The following TMEM132C variants were observed in gnomAD, a reference collection of about 807,000 sequenced individuals.
TMEM132C encodes the protein protein phosphatase 1, regulatory subunit 152.
Under a neutral mutation model 61.4 loss-of-function variants are expected in TMEM132C, and 29 were observed. The observed-to-expected ratio is 0.47, with a 90% CI of 0.35 to 0.64. TMEM132C has a LOEUF of 0.64. Ranked by LOEUF, TMEM132C falls within the 30% of genes least tolerant of loss-of-function variation. The pLI is 0.00. For missense variants in TMEM132C, 1,408 were observed against 1,476.9 expected (o/e 0.95, Z 0.76); for synonymous variants, 656 against 633.1 (o/e 1.04, Z -0.54).
At chr12:128,608,703 T>A (rs1876512705) in intron 3 of TMEM132C, among the ~76,000 whole-genome samples, 1 of 152,238 alleles carries the variant, frequency 6.6e-6, no homozygotes, top group African/African-American at 2.4e-5. Context: ...AAATTACTAA[T>A]GTCTGAGTGT....
intron 2 of TMEM132C, among the ~76,000 whole-genome samples, chr12:128,480,155 G>A (rs1871274556): frequency 6.6e-6 from 1 of 152,162 alleles, no homozygotes; most frequent in Admixed American, 6.5e-5. Flanking sequence ...AGCTACTCTG[G>A]AAGCTGAGGT....
In TMEM132C at chr12:128,346,839, C is replaced by T. The variant is rs549127593; in HGVS notation, c.86-67893C>T. Among the ~76,000 whole-genome samples the T allele has an allele frequency of 3.3e-5, 5 of 152,326 alleles. No individual in the cohort carries two copies. The South Asian group carries it at 1.0e-3, about 32-fold the overall frequency. On this transcript the variant is annotated intron_variant, in intron 1 of 8. Transcript: ENST00000435159. The stretch of plus-strand genomic sequence containing the variant: ...TTTCTGGACTCTGAATTCTATTCTA[C>T]TGATCTGTATGTCTATCCCTATGTT...
chr12:128,391,402 C>T (rs57528274), intron 1 of TMEM132C, among the ~76,000 whole-genome samples: 2,594 of 152,240 alleles, frequency 0.017, 74 homozygotes, highest in African/African-American at 0.059. Flanking sequence ...CTCCTTTGCA[C>T]GTGTATGTTA....
In TMEM132C at chr12:128,705,849, G is replaced by A. The variant is rs1954835177; in HGVS notation, c.2881G>A (p.Gly961Ser). Residue 961 changes from glycine (G) to serine (S), a missense_variant, in exon 9 of 9, where the codon GGT (glycine) becomes AGT (serine). Gly to Ser is a moderately conservative substitution (Grantham distance 56). Coordinates refer to ENST00000435159, the MANE Select transcript of TMEM132C (RefSeq NM_001136103.3). ...CAGGCACAAGCAAGTGCCCCTGGAAGGTCAGGCCTCCATGACCCACTCTCA... is the reference window on the plus strand; with the variant it reads ...CAGGCACAAGCAAGTGCCCCTGGAAAGTCAGGCCTCCATGACCCACTCTCA... ...KYRHKQVPLE[G>S]QASMTHSHDW... 2 of 1,551,660 alleles carry A rather than the reference G, an allele frequency of 1.3e-6. No homozygotes were observed. Among genetic ancestry groups the A allele is most frequent in the Non-Finnish European group, 1.7e-6 (2 of 1,147,052 alleles).
rs115635368 is a variant in TMEM132C, at chr12:128,548,605, G to A, written c.1121+4502G>A. ...CTACCAAGTCCCTTTGACTTATAAG[G>A]TAACATATTCATAGGTTCTAGGCAC... On this transcript the variant is annotated intron_variant, in intron 3 of 8. Coordinates refer to ENST00000435159, the MANE Select transcript of TMEM132C (RefSeq NM_001136103.3). 4.1e-3 allele frequency among the ~76,000 whole-genome samples: 631 copies of A among 152,168 alleles called. 11 individuals carry two copies. Among genetic ancestry groups the A allele is most frequent in the African/African-American group, 0.015 (605 of 41,518 alleles).
chr12:128,436,716 A>G (rs563607754), intron 2 of TMEM132C, among the ~76,000 whole-genome samples: 2 of 152,376 alleles, frequency 1.3e-5, no homozygotes, highest in East Asian at 3.9e-4. Context: ...AACTAGTTCA[A>G]TCATTGTGGT....
chr12:128,501,004 A>T (rs1194635432), intron 2 of TMEM132C, among the ~76,000 whole-genome samples: 2 of 152,248 alleles, frequency 1.3e-5, no homozygotes, highest in Non-Finnish European at 2.9e-5. Flanking sequence ...TTATTCAGCC[A>T]TAAAAATAAT....
chr12:128,455,992 C>T (rs1870326462), intron 2 of TMEM132C, among the ~76,000 whole-genome samples: 1 of 152,208 alleles, frequency 6.6e-6, no homozygotes, highest in South Asian at 2.1e-4. Flanking sequence ...GCTCACGTTT[C>T]TACTACCAGA....
chr12:128,539,861 T>C (rs1249401306), intron 2 of TMEM132C, among the ~76,000 whole-genome samples: 2 of 152,210 alleles, frequency 1.3e-5, no homozygotes, highest in African/African-American at 4.8e-5. Context: ...GGTGTGTGTC[T>C]ATTCTCATTC....
At chr12:128,321,580 T>TA (rs927143509) in intron 1 of TMEM132C, among the ~76,000 whole-genome samples, 1 of 152,104 alleles carries the variant, frequency 6.6e-6, no homozygotes, top group African/African-American at 2.4e-5. Flanking sequence ...GGGGTGGACA[T>TA]ACAACCTACA....
intron 2 of TMEM132C, among the ~76,000 whole-genome samples, chr12:128,436,157 A>G (rs1869581256): frequency 6.6e-6 from 1 of 152,200 alleles, no homozygotes; most frequent in South Asian, 2.1e-4. Context: ...TTCAAGATGG[A>G]TTAAAGACTT....
rs527564233 is a variant in TMEM132C at position 128,587,542 on chromosome 12, A to G, written c.1122-28610A>G. On this transcript the variant is annotated intron_variant, in intron 3 of 8. Coordinates refer to ENST00000435159, the MANE Select transcript of TMEM132C (RefSeq NM_001136103.3). Reference sequence around the variant, plus strand: ...TTATCCGGGGGACAGTGAAGGCACAAACATTCAGACCGTAGCAGATGACTT... The same window carrying G: ...TTATCCGGGGGACAGTGAAGGCACAGACATTCAGACCGTAGCAGATGACTT... Among the ~76,000 whole-genome samples the G allele has an allele frequency of 1.2e-4, 19 of 152,370 alleles. No individual in the cohort carries two copies. In the South Asian group the frequency reaches 3.9e-3, roughly 32 times the overall value.
chr12:128,511,458 G>A (rs868025761), intron 2 of TMEM132C, among the ~76,000 whole-genome samples: 15 of 152,160 alleles, frequency 9.9e-5, no homozygotes, highest in East Asian at 1.9e-4. Flanking sequence ...AAAAACTGTC[G>A]TATCCCTGGT....
chr12:128,474,649 G>A (rs1336931461), intron 2 of TMEM132C, among the ~76,000 whole-genome samples: 2 of 152,208 alleles, frequency 1.3e-5, no homozygotes, highest in African/African-American at 4.8e-5. Context: ...AACGTTCATT[G>A]AAGTGGAGAA....
chr12:128,301,708 T>A (rs1488468216), intron 1 of TMEM132C, among the ~76,000 whole-genome samples: 1 of 152,222 alleles, frequency 6.6e-6, no homozygotes, highest in Non-Finnish European at 1.5e-5. Flanking sequence ...AGATGCAGAA[T>A]GGGCTTCCAG....
intron 1 of TMEM132C, among the ~76,000 whole-genome samples, chr12:128,341,143 C>T (rs1420731073): frequency 6.6e-6 from 1 of 151,918 alleles, no homozygotes; most frequent in Non-Finnish European, 1.5e-5. Context: ...GTTTCACCAT[C>T]TTGGCCGGGC....
chr12:128,478,149 T>C lies in TMEM132C; in HGVS notation c.974+62529T>C, dbSNP rs79210646. ...GTGAAGCATCTCTATTGGAAAAAAG[T>C]AGGTCAATGCATCATTTCCTTTAAA... On this transcript the variant is annotated intron_variant, in intron 2 of 8. Transcript: ENST00000435159. 3.6e-3 allele frequency among the ~76,000 whole-genome samples: 549 copies of C among 152,312 alleles called. 5 individuals carry two copies. The highest frequency in any genetic ancestry group is 6.1e-3 in the Non-Finnish European group (413 of 68,030).
At position 128,414,780 on chromosome 12, in the gene TMEM132C, T is replaced by G; in HGVS notation, c.134T>G (p.Leu45Arg). The change falls in exon 2 of 9, where the codon CTG becomes CGG. Residue 45 changes from leucine (L) to arginine (R), a missense_variant. Coordinates refer to ENST00000435159, the MANE Select transcript of TMEM132C (RefSeq NM_001136103.3). ...VTDNIQRFSS[L>R]PPYLPVSYHI... ...GACAACATACAGAGATTCTCCTCAC[T>G]GCCACCTTACCTACCTGTGAGCTAC... 1.3e-6 allele frequency: 2 copies of G among 1,539,566 alleles called. No homozygotes were observed. Among genetic ancestry groups the G allele is most frequent in the Non-Finnish European group, 1.7e-6 (2 of 1,146,708 alleles).
intron 4 of TMEM132C, among the ~76,000 whole-genome samples, chr12:128,622,926 A>G (rs926927588): frequency 1.3e-5 from 2 of 152,174 alleles, no homozygotes; most frequent in Non-Finnish European, 2.9e-5. Context: ...CTCTAGGGCA[A>G]TTGAAAAATA....
Sources: gnomAD v4.1 joint callset for allele counts (sites outside exome capture counted in the v4.1 genomes callset) on GRCh38, gnomAD v4.1.1 for gene constraint, MANE v1.5 for transcripts, NCBI Gene and HGNC (gene_info 2026-07-23, HGNC 2026-07-21) for gene names.